TTC34: variants seen among roughly 807,000 people sequenced by gnomAD.
TTC34 encodes tetratricopeptide repeat protein 34.
A neutral mutation model predicts 40.7 loss-of-function variants in TTC34; 44 were observed. The ratio of observed to expected loss-of-function variants is 1.08; its 90% CI spans 0.85 to 1.39. The LOEUF (loss-of-function observed/expected upper bound fraction) is 1.39. TTC34 is among the 40% of genes most tolerant of loss of function. The pLI, the probability that TTC34 is intolerant of heterozygous loss-of-function variation, is 0.00. For missense variants in TTC34, 884 were observed against 838.0 expected (o/e 1.05, Z -0.68); for synonymous variants, 422 against 398.6 (o/e 1.06, Z -0.70).
chr1:2,781,380 C>T (rs903580429), intron 6 of TTC34, among the ~76,000 whole-genome samples: 5 of 152,136 alleles, frequency 3.3e-5, no homozygotes, highest in African/African-American at 9.7e-5. Flanking sequence ...GTGTTGCCTT[C>T]GTATCCTGCT....
intron 6 of TTC34, among the ~76,000 whole-genome samples, chr1:2,684,899 C>T (rs1162719441): frequency 1.5e-5 from 2 of 129,186 alleles, no homozygotes; most frequent in East Asian, 4.4e-4. Flanking sequence ...ATCTGACAGC[C>T]TGGAACAGCA....
intron 6 of TTC34, among the ~76,000 whole-genome samples, chr1:2,779,026 T>C (rs1225139387): frequency 6.6e-6 from 1 of 152,178 alleles, no homozygotes; most frequent in Non-Finnish European, 1.5e-5. Flanking sequence ...TGTTTGTCCT[T>C]TTGTGGTGGC....
intron 6 of TTC34, among the ~76,000 whole-genome samples, chr1:2,698,667 A>ATG (rs1640981213): frequency 4.3e-5 from 3 of 69,858 alleles, no homozygotes; most frequent in African/African-American, 6.5e-5. Context: ...AGCATCCGCC[A>ATG]GCCTGGAACA....
chr1:2,765,788 G>A (rs1192795191), intron 6 of TTC34, among the ~76,000 whole-genome samples: 15 of 10,660 alleles, frequency 1.4e-3, no homozygotes, highest in Admixed American at 2.6e-3. Context: ...CTGGAGCAGC[G>A]CCCACACCCC....
chr1:2,649,604 G>A (rs954602189), intron 6 of TTC34, among the ~76,000 whole-genome samples: 8 of 152,064 alleles, frequency 5.3e-5, no homozygotes, highest in Non-Finnish European at 8.8e-5. Context: ...CCAGTGGTGC[G>A]ATCTTGGCTC....
At chr1:2,751,593 C>G (rs1187594991) in intron 6 of TTC34, among the ~76,000 whole-genome samples, 775 of 7,668 alleles carry the variant, frequency 0.1, 2 homozygotes, top group Middle Eastern at 0.21. Flanking sequence ...TGACAGCCTG[C>G]AACAGCACCC....
At chr1:2,787,209 C>T (rs1039165129) in intron 4 of TTC34, among the ~76,000 whole-genome samples, 1 of 152,196 alleles carries the variant, frequency 6.6e-6, no homozygotes, top group Non-Finnish European at 1.5e-5. Context: ...GAAGCAAGTA[C>T]GACAAAGCAG....
chr1:2,785,244 A>C (rs1453859583), intron 5 of TTC34, among the ~76,000 whole-genome samples: 1 of 151,852 alleles, frequency 6.6e-6, no homozygotes, highest in Non-Finnish European at 1.5e-5. Context: ...TACTAAGTGC[A>C]TGGCCGGGTT....
At chr1:2,769,644 T>C (rs1355238416) in intron 6 of TTC34, among the ~76,000 whole-genome samples, 1 of 123,884 alleles carries the variant, frequency 8.1e-6, no homozygotes, top group African/African-American at 3.3e-5. Flanking sequence ...CAGGTGAGCA[T>C]CTGACAGCCT....
chr1:2,674,984 T>G (rs1277046495), intron 6 of TTC34, among the ~76,000 whole-genome samples: 3 of 133,846 alleles, frequency 2.2e-5, no homozygotes, highest in African/African-American at 8.2e-5. Context: ...CCTGACAACC[T>G]GGAGCAGCAC....
rs2100985171 is a variant in TTC34, at chr1:2,641,905, G to A, written c.2713-10C>T. The stretch of plus-strand genomic sequence containing the variant: ...CTTCCTGGGCCGCCGCCTGCACAGA[G>A]GACACAGAGAGAGGCAGGGAGAGTG... On this transcript the variant is annotated splice_polypyrimidine_tract_variant and intron_variant, in intron 8 of 8. Coordinates refer to ENST00000401095, the Ensembl canonical transcript of TTC34. The A allele has an allele frequency of 1.4e-6, 2 of 1,461,858 alleles. No homozygotes were observed. Among genetic ancestry groups the A allele is most frequent in the Non-Finnish European group, 9.0e-7 (1 of 1,109,580 alleles). The allele number at this position is 1,461,858 out of a possible 1,614,324, so 90.6% of individuals were successfully genotyped here.
intron 6 of TTC34, chr1:2,775,023 A>T (rs544397516): frequency 5.3e-4 from 66 of 125,070 alleles, no homozygotes; most frequent in Non-Finnish European, 9.8e-4. Flanking sequence ...AACAGCATCC[A>T]CACCCCCAGG....
chr1:2,800,742 G>A (rs1318131764), exon 2 of TTC34: 1 of 398,788 alleles, frequency 2.5e-6, no homozygotes, highest in Admixed American at 4.4e-5. Context: ...CAGGTAGAAG[G>A]CGGTGGCCAG....
At chr1:2,787,697 G>C in exon 4 of TTC34, 1 of 1,543,394 alleles carries the variant, frequency 6.5e-7, no homozygotes, top group Non-Finnish European at 8.8e-7. Flanking sequence ...GGTGCACGCC[G>C]CAGGCGACCC....
At chr1:2,681,434 A>G (rs1416740212) in intron 6 of TTC34, among the ~76,000 whole-genome samples, 196 of 102,258 alleles carry the variant, frequency 1.9e-3, no homozygotes, top group Middle Eastern at 6.8e-3. Context: ...CGCCCAGATG[A>G]GCATCTGACA....
chr1:2,749,806 C>G (rs1641258180), intron 6 of TTC34, among the ~76,000 whole-genome samples: 1 of 119,612 alleles, frequency 8.4e-6, no homozygotes, highest in Admixed American at 8.6e-5. Flanking sequence ...CACCCACACC[C>G]CCAGGTGAGC....
intron 2 of TTC34, among the ~76,000 whole-genome samples, chr1:2,792,048 G>T (rs1217631397): frequency 1.7e-5 from 1 of 60,460 alleles, no homozygotes; most frequent in African/African-American, 5.5e-5. Context: ...ACAGGGTCTT[G>T]CTCCATCACC....
intron 6 of TTC34, among the ~76,000 whole-genome samples, chr1:2,652,503 C>G (rs1639179331): frequency 2.0e-5 from 3 of 148,364 alleles, no homozygotes; most frequent in Non-Finnish European, 3.0e-5. Flanking sequence ...GAGCATCTGA[C>G]GGCCTGCAAC....
intron 6 of TTC34, among the ~76,000 whole-genome samples, chr1:2,756,627 C>T (rs1641514541): frequency 1.7e-4 from 25 of 148,536 alleles, no homozygotes; most frequent in African/African-American, 5.9e-4. Flanking sequence ...GCACCCACAC[C>T]CCCAGGTGAG....
Sources: gnomAD v4.1 joint callset for allele counts (sites outside exome capture counted in the v4.1 genomes callset) on GRCh38, gnomAD v4.1.1 for gene constraint, MANE v1.5 for transcripts, NCBI Gene and HGNC (gene_info 2026-07-23, HGNC 2026-07-21) for gene names.